OPHN1: variants seen among roughly 807,000 people sequenced by gnomAD.
OPHN1 encodes the protein oligophrenin 1, also known as oligophrenin-1.
OPHN1 carries 11 observed loss-of-function variants against 60.7 expected under a neutral mutation model. That is an observed-to-expected ratio of 0.18 (90% CI 0.11 to 0.30). OPHN1 has a LOEUF of 0.30. Ranked by LOEUF, OPHN1 falls within the 10% of genes least tolerant of loss-of-function variation. The probability of loss-of-function intolerance (pLI) is 1.00; values close to 1 mark genes in which losing one functional copy is unlikely to be tolerated. For missense variants in OPHN1, 449 were observed against 611.0 expected, an observed-to-expected ratio of 0.73 and a Z score of 2.80; for synonymous variants, 226 against 222.6, an observed-to-expected ratio of 1.02 and a Z score of -0.14.
At chrX:68,398,960 AGTGTGTGTGT>A (rs113103699) in intron 2 of OPHN1, among the ~76,000 whole-genome samples, 10 of 95,233 alleles carry the variant, frequency 1.1e-4, no homozygotes, top group Admixed American at 2.4e-4. Flanking sequence ...AAACAAAAAA[AGTGTGTGTGT>A]GTGTGTGTGT....
intron 21 of OPHN1, among the ~76,000 whole-genome samples, chrX:68,060,720 A>C (rs751364115): frequency 8.9e-6 from 1 of 111,981 alleles, no homozygotes; most frequent in Non-Finnish European, 1.9e-5. Flanking sequence ...AATGCAATGG[A>C]GCCTGTGTAC....
chrX:68,317,376 A>AAGG (rs2078207055), intron 2 of OPHN1, among the ~76,000 whole-genome samples: 18 of 50,582 alleles, frequency 3.6e-4, no homozygotes, highest in African/African-American at 1.2e-3. Flanking sequence ...AGAAAGAAAG[A>AAGG]AAGGAAGGAA....
intron 2 of OPHN1, among the ~76,000 whole-genome samples, chrX:68,370,561 A>T (rs1194655395): frequency 9.0e-6 from 1 of 111,463 alleles, no homozygotes; most frequent in Non-Finnish European, 1.9e-5. Context: ...ATTAAGACAT[A>T]AGGATCTCTG....
intron 6 of OPHN1, among the ~76,000 whole-genome samples, chrX:68,233,586 T>A (rs939576352): frequency 9.1e-4 from 101 of 111,256 alleles, no homozygotes; most frequent in Middle Eastern, 4.6e-3. Flanking sequence ...CTGCTTCTAG[T>A]CTCTCCCTGA....
intron 12 of OPHN1, 68 bp downstream of exon 12, chrX:68,197,118 G>C: frequency 1.3e-6 from 1 of 762,959 alleles, no homozygotes; most frequent in Non-Finnish European, 2.1e-6. Context: ...GAGACCCACT[G>C]ATACCACTAG....
chrX:68,390,457 G>A (rs2078648074), intron 2 of OPHN1, among the ~76,000 whole-genome samples: 1 of 110,599 alleles, frequency 9.0e-6, no homozygotes, highest in Admixed American at 9.7e-5. Context: ...AAACTAACAG[G>A]GTGTGGTGGT....
At chrX:68,277,690 C>G (rs1238925992) in intron 4 of OPHN1, among the ~76,000 whole-genome samples, 1 of 111,408 alleles carries the variant, frequency 9.0e-6, no homozygotes, top group Non-Finnish European at 1.9e-5. Flanking sequence ...ACTCGGGAGG[C>G]TGAGGCAGGA....
chrX:68,217,718 C>T (rs1476210486), intron 6 of OPHN1, among the ~76,000 whole-genome samples: 2 of 110,150 alleles, frequency 1.8e-5, no homozygotes, highest in Non-Finnish European at 3.8e-5. Flanking sequence ...AGCTGAGGGT[C>T]CTCTCTGTTA....
chrX:68,352,775 A>G (rs1310776817), intron 2 of OPHN1, among the ~76,000 whole-genome samples: 1 of 112,136 alleles, frequency 8.9e-6, no homozygotes, highest in Non-Finnish European at 1.9e-5. Flanking sequence ...GGAAAGAGCA[A>G]CGAAGCAGGA....
intron 15 of OPHN1, chrX:68,132,966 C>T: frequency 2.2e-6 from 1 of 453,076 alleles, no homozygotes. Context: ...CTGCCCAGCC[C>T]CACTCCGGGC....
chrX:68,140,627 G>A lies in OPHN1; in HGVS notation c.1277-21295C>T, dbSNP rs756921685. ...CTGACCCCTGAAGGGCTGGGCTCCC[G>A]GCTAAACCTCACCCTCAAGCCTGGA... On this transcript the variant is annotated intron_variant, in intron 15 of 24. Coordinates refer to ENST00000355520, the MANE Select transcript of OPHN1 (RefSeq NM_002547.3). Among the ~76,000 whole-genome samples the A allele has an allele frequency of 2.3e-3, 247 of 109,650 alleles. 1 individual carries two copies. The highest frequency in any genetic ancestry group is 4.9e-3 in the South Asian group (12 of 2,472).
At chrX:68,307,364 G>A (rs780726861) in intron 2 of OPHN1, among the ~76,000 whole-genome samples, 2 of 108,197 alleles carry the variant, frequency 1.8e-5, no homozygotes, top group South Asian at 8.3e-4. Context: ...TGAGGCAGGA[G>A]AATTGCTTGA....
chrX:68,311,929 C>A (rs1380081247), intron 2 of OPHN1, among the ~76,000 whole-genome samples: 3 of 110,884 alleles, frequency 2.7e-5, no homozygotes, highest in Non-Finnish European at 5.7e-5. Flanking sequence ...TTTTGAAATG[C>A]ACATGAAAAT....
At chrX:68,330,320 C>T (rs2078288370) in intron 2 of OPHN1, among the ~76,000 whole-genome samples, 1 of 111,185 alleles carries the variant, frequency 9.0e-6, no homozygotes, top group Non-Finnish European at 1.9e-5. Context: ...TTGGCCTCGA[C>T]CTCCTGACCT....
At chrX:68,297,507 G>A (rs748800804) in intron 3 of OPHN1, among the ~76,000 whole-genome samples, 4 of 112,000 alleles carry the variant, frequency 3.6e-5, no homozygotes, top group Non-Finnish European at 7.5e-5. Flanking sequence ...TAGTTACACA[G>A]TCACATTTAA....
intron 2 of OPHN1, among the ~76,000 whole-genome samples, chrX:68,423,086 C>T (rs1371357360): frequency 9.2e-6 from 1 of 108,691 alleles, no homozygotes; most frequent in African/African-American, 3.5e-5. Context: ...AGTGTAATGG[C>T]TCGATCTCGG....
chrX:68,368,609 T>C (rs985224398), intron 2 of OPHN1, among the ~76,000 whole-genome samples: 1 of 111,090 alleles, frequency 9.0e-6, no homozygotes, highest in Non-Finnish European at 1.9e-5. Flanking sequence ...AAAACAAGCA[T>C]ACTCAGAAAA....
rs187929414 is a variant in OPHN1 at position 68,320,345 on chromosome X, T to C, written c.155-21249A>G. 3.6e-3 allele frequency among the ~76,000 whole-genome samples: 403 copies of C among 110,799 alleles called. 2 individuals carry two copies. The highest frequency in any genetic ancestry group is 0.013 in the African/African-American group (384 of 30,520). On this transcript the variant is annotated intron_variant, in intron 2 of 24. Coordinates refer to ENST00000355520, the MANE Select transcript of OPHN1 (RefSeq NM_002547.3). ...GCCTGGGCGACAGAGTAAGCCTCCG[T>C]CTCAAAAAAATATATATAAATACAA...
At chrX:68,183,195 A>G (rs2077446355) in intron 15 of OPHN1, among the ~76,000 whole-genome samples, 1 of 112,251 alleles carries the variant, frequency 8.9e-6, no homozygotes, top group Non-Finnish European at 1.9e-5. Context: ...GTAACTACAT[A>G]ACAGCAAGAA....
Sources: gnomAD v4.1 joint callset for allele counts (sites outside exome capture counted in the v4.1 genomes callset) on GRCh38, gnomAD v4.1.1 for gene constraint, MANE v1.5 for transcripts, NCBI Gene and HGNC (gene_info 2026-07-23, HGNC 2026-07-21) for gene names.